Variants in TIAM1 observed in about 807,000 individuals in gnomAD.
TIAM1 encodes TIAM Rac1 associated GEF 1, also known as rho guanine nucleotide exchange factor TIAM1.
Under a neutral mutation model 163.5 loss-of-function variants are expected in TIAM1, and 65 were observed. The observed-to-expected ratio is 0.40, with a 90% CI of 0.33 to 0.49. The LOEUF (loss-of-function observed/expected upper bound fraction) is 0.49, where lower values mean the gene tolerates loss of function less well. Among genes scored for constraint, TIAM1 ranks in the 20% least tolerant of loss-of-function variants. The pLI is 0.77. For missense variants in TIAM1, 1,789 were observed against 2,044.7 expected (o/e 0.87, Z 2.41); for synonymous variants, 833 against 810.1 (o/e 1.03, Z -0.48).
At chr21:31,248,334 C>A (rs2071617725) in intron 5 of TIAM1, among the ~76,000 whole-genome samples, 1 of 152,154 alleles carries the variant, frequency 6.6e-6, no homozygotes, top group African/African-American at 2.4e-5. Flanking sequence ...AATTTTTCAA[C>A]TTTGATTTAG....
At chr21:31,404,446 T>A (rs994553316) in intron 2 of TIAM1, among the ~76,000 whole-genome samples, 1 of 149,784 alleles carries the variant, frequency 6.7e-6, no homozygotes, top group African/African-American at 2.5e-5. Flanking sequence ...CTGTCCCTCA[T>A]CAAAAAACAC....
At chr21:31,296,196 C>T (rs1601862873) in intron 2 of TIAM1, among the ~76,000 whole-genome samples, 1 of 152,002 alleles carries the variant, frequency 6.6e-6, no homozygotes, top group Non-Finnish European at 1.5e-5. Flanking sequence ...CTATTGAAAT[C>T]CTTGGGAAAG....
Position 31,138,013 on chromosome 21 carries a change from G to A in TIAM1, c.3775-1972C>T, listed in dbSNP as rs149795975. ...AGCTTCCCAGGGCAAGTGGACTAGGGGGTCAGGGTGCTCCCTCTGGCCACA... is the reference window on the plus strand; with the variant it reads ...AGCTTCCCAGGGCAAGTGGACTAGGAGGTCAGGGTGCTCCCTCTGGCCACA... On this transcript the variant is annotated intron_variant, in intron 22 of 27. Coordinates refer to ENST00000541036, the MANE Select transcript of TIAM1 (RefSeq NM_001353694.2). Among the ~76,000 whole-genome samples, 1,218 of 151,764 alleles carry A rather than the reference G, an allele frequency of 8.0e-3. 9 individuals carry two copies. The highest frequency in any genetic ancestry group is 0.034 in the Middle Eastern group (10 of 294).
At chr21:31,173,489 C>T (rs2084613960) in intron 15 of TIAM1, among the ~76,000 whole-genome samples, 1 of 147,732 alleles carries the variant, frequency 6.8e-6, no homozygotes, top group Admixed American at 6.8e-5. Context: ...ACCCCTCCAA[C>T]AAAGCTAAAA....
At chr21:31,546,089 TA>T (rs1173892927) in intron 1 of TIAM1, among the ~76,000 whole-genome samples, 3 of 150,836 alleles carry the variant, frequency 2.0e-5, no homozygotes, top group African/African-American at 4.9e-5. Flanking sequence ...AAATTTTTAA[TA>T]AAAGAAAATA....
intron 2 of TIAM1, among the ~76,000 whole-genome samples, chr21:31,442,076 T>TAA (rs2044447661): frequency 9.1e-6 from 1 of 109,304 alleles, no homozygotes; most frequent in African/African-American, 3.8e-5. Flanking sequence ...AATAAATATA[T>TAA]ATATATATAT....
intron 2 of TIAM1, among the ~76,000 whole-genome samples, chr21:31,418,808 A>G (rs1042129345): frequency 6.6e-6 from 1 of 152,194 alleles, no homozygotes; most frequent in African/African-American, 2.4e-5. Flanking sequence ...GCACAGAATC[A>G]GCTTCAGAGA....
intron 2 of TIAM1, among the ~76,000 whole-genome samples, chr21:31,354,380 A>G (rs2076282473): frequency 6.6e-6 from 1 of 152,188 alleles, no homozygotes; most frequent in South Asian, 2.1e-4. Context: ...GCTCAATTGC[A>G]CAAGAGGCAA....
chr21:31,416,721 G>T lies in TIAM1; in HGVS notation c.-369+47262C>A, dbSNP rs118089743. Among the ~76,000 whole-genome samples the T allele has an allele frequency of 6.3e-3, 952 of 152,314 alleles. 1 individual carries two copies. Among genetic ancestry groups the T allele is most frequent in the Middle Eastern group, 0.02 (6 of 294 alleles). On this transcript the variant is annotated intron_variant, in intron 2 of 28. Coordinates refer to the TIAM1 transcript ENST00000286827. Reference sequence around the variant, plus strand: ...TCTTTATCTACTCATTGGCTAATGTGCACACAAAGTGAAGTTTAATATCCA... The same window carrying T: ...TCTTTATCTACTCATTGGCTAATGTTCACACAAAGTGAAGTTTAATATCCA...
intron 16 of TIAM1, chr21:31,160,364 C>T (rs146917638): frequency 2.3e-5 from 9 of 398,194 alleles, no homozygotes; most frequent in South Asian, 1.3e-4. Context: ...CACTGTCATT[C>T]GGATTGAAAA....
intron 2 of TIAM1, among the ~76,000 whole-genome samples, chr21:31,408,855 G>A (rs1243107589): frequency 6.6e-6 from 1 of 152,112 alleles, no homozygotes; most frequent in African/African-American, 2.4e-5. Flanking sequence ...TTTCGGGCCT[G>A]ACCTGAGACC....
intron 1 of TIAM1, among the ~76,000 whole-genome samples, chr21:31,482,217 T>C (rs767608942): frequency 6.6e-6 from 1 of 151,948 alleles, no homozygotes; most frequent in African/African-American, 2.4e-5. Flanking sequence ...AGCGGCGCAA[T>C]CTCGGCTCAC....
intron 22 of TIAM1, among the ~76,000 whole-genome samples, chr21:31,137,844 A>G (rs1042767691): frequency 6.6e-6 from 1 of 150,424 alleles, no homozygotes; most frequent in Non-Finnish European, 1.5e-5. Context: ...GGAGCTAACC[A>G]AGAGAAACCA....
intron 2 of TIAM1, among the ~76,000 whole-genome samples, chr21:31,404,947 A>G (rs2077222706): frequency 6.6e-6 from 1 of 152,102 alleles, no homozygotes; most frequent in South Asian, 2.1e-4. Flanking sequence ...TGGCCCTTAA[A>G]ACTTGCAGAT....
intron 1 of TIAM1, among the ~76,000 whole-genome samples, chr21:31,538,007 T>C (rs1250085172): frequency 1.3e-5 from 2 of 152,128 alleles, no homozygotes; most frequent in Non-Finnish European, 2.9e-5. Flanking sequence ...ATCAAGTACA[T>C]CCTGTGCGAT....
At chr21:31,501,272 T>C (rs953371614) in intron 1 of TIAM1, among the ~76,000 whole-genome samples, 2 of 152,128 alleles carry the variant, frequency 1.3e-5, no homozygotes, top group African/African-American at 4.8e-5. Context: ...AGGAGCCCCT[T>C]ACCAATGCTG....
chr21:31,255,269 G>A (rs2072032681), intron 4 of TIAM1, among the ~76,000 whole-genome samples: 1 of 152,124 alleles, frequency 6.6e-6, no homozygotes, highest in Non-Finnish European at 1.5e-5. Context: ...GGTTATTCAG[G>A]CTCAGTGGTA....
In TIAM1 at chr21:31,481,182, T is replaced by C. The variant is rs537377852; in HGVS notation, c.-421-17147A>G. Among the ~76,000 whole-genome samples the C allele has an allele frequency of 2.0e-5, 3 of 152,316 alleles. No homozygotes were observed. In the South Asian group the frequency reaches 6.2e-4, roughly 32 times the overall value. On this transcript the variant is annotated intron_variant, in intron 1 of 28. Transcript: ENST00000286827. ...GCCACCTTCTTTCTGTGTCCTCACATGGCCTTTCCTCTGTACACACAAGTG... is the reference window on the plus strand; with the variant it reads ...GCCACCTTCTTTCTGTGTCCTCACACGGCCTTTCCTCTGTACACACAAGTG...
chr21:31,451,718 CGTGTGTGTGTGTGTGTGTGTGT>C (rs59110882), intron 2 of TIAM1, among the ~76,000 whole-genome samples: 1 of 142,166 alleles, frequency 7.0e-6, no homozygotes, highest in African/African-American at 2.6e-5. Context: ...CATGTGTGTG[CGTGTGTGTGTGTGTGTGTGTGT>C]GTGTGTGTGT....
Sources: allele counts gnomAD v4.1 joint callset (sites outside exome capture counted in the v4.1 genomes callset), GRCh38; gene constraint gnomAD v4.1.1; transcripts MANE v1.5; gene names NCBI Gene and HGNC (gene_info 2026-07-23, HGNC 2026-07-21).